The following B9D1 variants were observed in gnomAD, a reference collection of about 807,000 sequenced individuals.
The protein encoded by B9D1 is B9 domain containing 1, also known as B9 domain-containing protein 1.
B9D1 carries 20 observed loss-of-function variants against 26.1 expected under a neutral mutation model. The ratio of observed to expected loss-of-function variants is 0.77; its 90% CI spans 0.54 to 1.12. The LOEUF (loss-of-function observed/expected upper bound fraction) is 1.12, where lower values mean the gene tolerates loss of function less well. Among genes scored for constraint, B9D1 ranks in the 50% most tolerant of loss-of-function variants. B9D1 has a pLI of 0.00. For synonymous variants in B9D1, 105 were observed against 103.1 expected, an observed-to-expected ratio of 1.02 and a Z score of -0.11; for missense variants, 260 against 273.7, an observed-to-expected ratio of 0.95 and a Z score of 0.35.
At chr17:19,377,005 G>C (rs75326834) in intron 1 of B9D1, among the ~76,000 whole-genome samples, 18,606 of 152,064 alleles carry the variant, frequency 0.12, 1,514 homozygotes, top group Non-Finnish European at 0.19. Flanking sequence ...AATAGACATT[G>C]AACAGACATT....
rs1567888486 is a variant in B9D1, at chr17:19,347,778, A to AC, written c.341+5dup. The AC allele has an allele frequency of 3.7e-6, 6 of 1,612,628 alleles. 1 individual carries two copies. The South Asian group carries it at 6.6e-5, about 18-fold the overall frequency. On this transcript the variant is annotated splice_donor_region_variant and intron_variant, in intron 4 of 6. Coordinates refer to ENST00000261499, the MANE Select transcript of B9D1 (RefSeq NM_015681.6). This position sits in a 1 kb window ranked among gnomAD's most constrained non-coding sequence, Gnocchi z 4.3. The stretch of plus-strand genomic sequence containing the variant: ...GCCCAGGGCCCAGGTCAGAATGAGG[A>AC]CCTACCGGCCAGGTGAGAAGGGCAC...
intron 1 of B9D1, among the ~76,000 whole-genome samples, chr17:19,360,639 G>A (rs1330838733): frequency 6.6e-6 from 1 of 152,110 alleles, no homozygotes; most frequent in Non-Finnish European, 1.5e-5. Flanking sequence ...TACTTCATCC[G>A]GAAAACTCCT....
At chr17:19,345,615 C>G (rs546782602) in intron 5 of B9D1, among the ~76,000 whole-genome samples, 5 of 152,234 alleles carry the variant, frequency 3.3e-5, no homozygotes, top group Non-Finnish European at 5.9e-5. Flanking sequence ...TAAACAGAGT[C>G]TCCCCTAGAG....
At position 19,362,714 on chromosome 17, in the gene B9D1, T is replaced by G. The variant is rs754000567; in HGVS notation, c.-145A>C. The G allele has an allele frequency of 6.6e-7, 1 of 1,512,048 alleles. No individual in the cohort carries two copies. Among genetic ancestry groups the G allele is most frequent in the Admixed American group, 2.0e-5 (1 of 50,238 alleles). 93.7% of individuals were successfully genotyped at this position (1,512,048 alleles called of 1,614,324 possible). On this transcript the variant is annotated 5_prime_UTR_variant, in exon 1 of 7. Transcript: ENST00000261499. ...TTCGCGAAGGCCACGCGAGTGCGCG[T>G]GTGGCATGCGCAGGCGCAGTGAACG...
downstream of B9D1, chr17:19,337,703 T>G: frequency 2.6e-6 from 4 of 1,533,098 alleles, no homozygotes; most frequent in Non-Finnish European, 3.5e-6. Context: ...TCAAGCCGCT[T>G]TCATCTTGAA....
At chr17:19,368,910 G>A (rs1052375539) in intron 1 of B9D1, among the ~76,000 whole-genome samples, 2 of 152,148 alleles carry the variant, frequency 1.3e-5, no homozygotes, top group African/African-American at 4.8e-5. Context: ...GCCACAGCAA[G>A]ACCCCATCTC....
intron 5 of B9D1, among the ~76,000 whole-genome samples, chr17:19,346,299 A>T (rs1241967679): frequency 6.6e-6 from 1 of 152,122 alleles, no homozygotes; most frequent in Non-Finnish European, 1.5e-5. Context: ...GCCAGCGGAG[A>T]CCCTGCCCTT....
At chr17:19,371,289 T>C (rs1348318684) in intron 1 of B9D1, 1 of 152,322 alleles carries the variant, frequency 6.6e-6, no homozygotes, top group Non-Finnish European at 1.5e-5. Context: ...CTTGTGCAAA[T>C]CTCTGTGTGT....
At chr17:19,343,573 C>G in intron 6 of B9D1, 112 bp from the exon 7 acceptor site, 1 of 1,580,672 alleles carries the variant, frequency 6.3e-7, no homozygotes, top group Non-Finnish European at 8.6e-7. Flanking sequence ...GACAACAGTG[C>G]CTGACCCAAG....
chr17:19,350,272 G>A (rs988700769), intron 3 of B9D1, among the ~76,000 whole-genome samples: 3 of 151,952 alleles, frequency 2.0e-5, no homozygotes, highest in South Asian at 2.1e-4. Flanking sequence ...TAGGCGAGGC[G>A]CGGTGGCTCA....
chr17:19,358,622 C>A (rs1249538007), intron 2 of B9D1, among the ~76,000 whole-genome samples: 1 of 152,232 alleles, frequency 6.6e-6, no homozygotes, highest in Non-Finnish European at 1.5e-5. Flanking sequence ...GATACACTGT[C>A]TTCCCTTGGC....
upstream of B9D1, among the ~76,000 whole-genome samples, chr17:19,365,756 G>A (rs576161231): frequency 1.6e-4 from 24 of 152,228 alleles, no homozygotes; most frequent in East Asian, 1.5e-3. The surrounding 1 kb of genome is among the most constrained non-coding windows in gnomAD (Gnocchi z 5.0). Flanking sequence ...TTAACCTCTC[G>A]GAGCCTCGGT....
upstream of B9D1, among the ~76,000 whole-genome samples, chr17:19,364,227 G>C (rs1181940943): frequency 2.0e-5 from 3 of 152,218 alleles, no homozygotes; most frequent in Non-Finnish European, 2.9e-5. The surrounding 1 kb of genome is among the most constrained non-coding windows in gnomAD (Gnocchi z 4.3). Context: ...TAATGGGGGA[G>C]TCTCCCCAAG....
At chr17:19,348,424 C>T (rs1464547621) in intron 3 of B9D1, among the ~76,000 whole-genome samples, 2 of 152,190 alleles carry the variant, frequency 1.3e-5, no homozygotes, top group Admixed American at 1.3e-4. Context: ...GCATGAGGCA[C>T]TTTCACCTCG....
At chr17:19,356,006 G>T (rs1244882705) in intron 3 of B9D1, among the ~76,000 whole-genome samples, 1 of 152,016 alleles carries the variant, frequency 6.6e-6, no homozygotes, top group Non-Finnish European at 1.5e-5. Flanking sequence ...TGGTTCTTGT[G>T]TGCCTCATTA....
intron 5 of B9D1, among the ~76,000 whole-genome samples, chr17:19,345,080 TC>T (rs1377810397): frequency 6.6e-6 from 1 of 152,174 alleles, no homozygotes; most frequent in African/African-American, 2.4e-5. Flanking sequence ...TGAATTTCTT[TC>T]CTGGGGTCCA....
chr17:19,357,576 T>C (rs1910514889), intron 3 of B9D1: 1 of 502,636 alleles, frequency 2.0e-6, no homozygotes, highest in South Asian at 2.0e-5. Context: ...GCCTGCCTTT[T>C]ACAGGCGTGG....
chr17:19,372,293 G>A lies in B9D1; in HGVS notation c.-298+5566C>T, dbSNP rs1341196066. 3 of 152,316 alleles carry A rather than the reference G, an allele frequency of 2.0e-5. No individual in the cohort carries two copies. The highest frequency in any genetic ancestry group is 7.2e-5 in the African/African-American group (3 of 41,454). 9.4% of individuals were successfully genotyped at this position (152,316 alleles called of 1,614,324 possible). On this transcript the variant is annotated intron_variant, in intron 1 of 5. Transcript: ENST00000477478. The surrounding 1 kb of genome is among the most constrained non-coding windows in gnomAD (Gnocchi z 4.4). ...TGGATCTGAACATCCCCACTTCACA[G>A]ATGAGGAACTCGAGGTCAGGGCTGT...
At chr17:19,366,816 T>C (rs1013633341), upstream of B9D1, among the ~76,000 whole-genome samples, 1 of 152,148 alleles carries the variant, frequency 6.6e-6, no homozygotes. Context: ...TTGTGGCCTG[T>C]CCCTGACGAT....
Sources: gnomAD v4.1 joint callset for allele counts (sites outside exome capture counted in the v4.1 genomes callset) on GRCh38, gnomAD v4.1.1 for gene constraint, Gnocchi (gnomAD v3.1) non-coding constraint, MANE v1.5 for transcripts, NCBI Gene and HGNC (gene_info 2026-07-23, HGNC 2026-07-21) for gene names.